Variants in GSTT4 observed in about 807,000 individuals in gnomAD.
The protein encoded by GSTT4 is glutathione S-transferase theta-4.
intron 1 of GSTT4, chr22:24,004,449 G>C (rs577833212): frequency 6.5e-6 from 1 of 153,264 alleles, no homozygotes. Context: ...GTGTTCTAGA[G>C]GCTTCTGCTT....
chr22:23,992,501 T>A, the GSTT4 span, among the ~76,000 whole-genome samples: 1 of 150,286 alleles, frequency 6.7e-6, no homozygotes, highest in Non-Finnish European at 1.5e-5. Flanking sequence ...GAGGGGACCA[T>A]ACAAGGATGT....
chr22:23,998,696 A>G lies in GSTT4; in HGVS notation c.572T>C (p.Leu191Pro), dbSNP rs562376112. The change falls in exon 5 of 5, where the codon CTA (leucine) becomes CCA (proline). Residue 191 changes from leucine (L) to proline (P), a missense_variant. Transcript: ENST00000621179. Reference protein sequence around the residue: ...NYNVFLNSSKLAEWRMQVELN... With the variant: ...NYNVFLNSSKPAEWRMQVELN... ...CTCCACCTGCATACGCCACTCAGCT[A>G]GCTTGGAGCTGTTGAGGAAGACATT... 6.5e-6 allele frequency: 1 copy of G among 154,924 alleles called. No individual in the cohort carries two copies. Among genetic ancestry groups the G allele is most frequent in the Admixed American group, 6.5e-5 (1 of 15,304 alleles). 9.6% of individuals were successfully genotyped at this position (154,924 alleles called of 1,614,324 possible).
At chr22:24,004,713 CT>C in intron 1 of GSTT4, 1 of 154,040 alleles carries the variant, frequency 6.5e-6, no homozygotes, top group Non-Finnish European at 1.4e-5. Context: ...TTCCTTCCCC[CT>C]TCTCCTCGAA....
the GSTT4 span, among the ~76,000 whole-genome samples, chr22:23,989,747 G>A: frequency 6.6e-6 from 1 of 150,684 alleles, no homozygotes; most frequent in Non-Finnish European, 1.5e-5. Flanking sequence ...CCCACTGGGG[G>A]TTCCCAGGTC....
intron 2 of GSTT4, among the ~76,000 whole-genome samples, chr22:24,002,318 T>G (rs1356431552): frequency 6.6e-6 from 1 of 152,124 alleles, no homozygotes; most frequent in Admixed American, 6.5e-5. Flanking sequence ...TGTCTGGGAA[T>G]GTTGGAGGCC....
At chr22:23,989,553 C>A in the GSTT4 span, among the ~76,000 whole-genome samples, 1 of 144,326 alleles carries the variant, frequency 6.9e-6, no homozygotes, top group Non-Finnish European at 1.5e-5. Flanking sequence ...CCTATCCCAG[C>A]TGGGGACTTA....
intron 2 of GSTT4, among the ~76,000 whole-genome samples, chr22:24,001,565 G>T (rs2034231339): frequency 6.6e-6 from 1 of 152,268 alleles, no homozygotes; most frequent in African/African-American, 2.4e-5. Context: ...GCCAGCAGGG[G>T]GAACAACACG....
intron 1 of GSTT4, chr22:24,004,193 G>A (rs1468917385): frequency 6.5e-6 from 1 of 153,148 alleles, no homozygotes; most frequent in African/African-American, 2.4e-5. Flanking sequence ...GAAGCCCTGA[G>A]GGCCTGGGTC....
At chr22:23,997,797 G>A (rs1385161136), downstream of GSTT4, among the ~76,000 whole-genome samples, 2 of 152,126 alleles carry the variant, frequency 1.3e-5, no homozygotes, top group African/African-American at 2.4e-5. Flanking sequence ...TAACTTATGT[G>A]TTTACAGCTA....
chr22:23,991,859 A>C, the GSTT4 span, among the ~76,000 whole-genome samples: 57,159 of 109,792 alleles, frequency 0.52, 12,212 homozygotes, highest in African/African-American at 0.57. Flanking sequence ...TCGAGACCAT[A>C]CTGGCTAAAA....
intron 2 of GSTT4, among the ~76,000 whole-genome samples, chr22:24,002,423 A>T: frequency 6.6e-6 from 1 of 152,248 alleles, no homozygotes; most frequent in Admixed American, 6.5e-5. Flanking sequence ...ACCTCCGCAG[A>T]ACAAGGGCTC....
rs556828131 is a variant in GSTT4, at chr22:23,999,260, A to T, written c.529-521T>A. Among the ~76,000 whole-genome samples, 79 of 152,208 alleles carry T rather than the reference A, an allele frequency of 5.2e-4. No individual in the cohort carries two copies. The South Asian group carries it at 0.016, about 32-fold the overall frequency. On this transcript the variant is annotated intron_variant, in intron 4 of 4. Coordinates refer to ENST00000621179, the MANE Select transcript of GSTT4 (RefSeq NM_001358664.2). ...CCCAAGAATGGGTGTGTGTGGGTGA[A>T]ATGTAAGGGGTGGGGACGAAGCATA...
At chr22:23,991,955 G>A in the GSTT4 span, among the ~76,000 whole-genome samples, 28 of 141,978 alleles carry the variant, frequency 2.0e-4, no homozygotes, top group Admixed American at 1.6e-3. Context: ...CGGGAGGCTG[G>A]GGCAGGAGAA....
chr22:24,003,630 C>G (rs1244830330), intron 2 of GSTT4, 130 bp downstream of exon 2: 1 of 154,342 alleles, frequency 6.5e-6, no homozygotes, highest in African/African-American at 2.4e-5. Flanking sequence ...CCTCGTGTCC[C>G]TCATTAGTTA....
downstream of GSTT4, among the ~76,000 whole-genome samples, chr22:23,995,892 A>T (rs532544714): frequency 3.9e-5 from 6 of 152,234 alleles, no homozygotes; most frequent in East Asian, 7.7e-4. Context: ...CTTTATTGCA[A>T]ATGTATACTA....
At chr22:23,992,597 T>C in the GSTT4 span, among the ~76,000 whole-genome samples, 1 of 151,088 alleles carries the variant, frequency 6.6e-6, no homozygotes, top group Non-Finnish European at 1.5e-5. Flanking sequence ...CTTAACATTC[T>C]TAACAAGTTA....
chr22:24,002,488 G>A (rs930952433), intron 2 of GSTT4, among the ~76,000 whole-genome samples: 551 of 152,392 alleles, frequency 3.6e-3, no homozygotes, highest in Non-Finnish European at 6.8e-3. Flanking sequence ...GGCATGGAGA[G>A]AGCTATCGGT....
rs138275558 is a variant in GSTT4 at position 23,998,746 on chromosome 22, A to G, written c.529-7T>C. On this transcript the variant is annotated splice_polypyrimidine_tract_variant and splice_region_variant and intron_variant, in intron 4 of 4. Coordinates refer to ENST00000621179, the MANE Select transcript of GSTT4 (RefSeq NM_001358664.2). ...TATAGTTGGCTGCCATGGGCTGTAG[A>G]TAGACGAAGACAAAGACGTGGTCAG... The G allele has an allele frequency of 0.056, 8,587 of 154,622 alleles. 412 individuals are homozygous for G. The highest frequency in any genetic ancestry group is 0.12 in the African/African-American group (4,878 of 41,482). 9.6% of individuals were successfully genotyped at this position (154,622 alleles called of 1,614,324 possible). A position where few individuals can be genotyped will look rare whatever the true frequency, so the allele number is the denominator to read the frequency against.
chr22:23,992,919 C>T, the GSTT4 span, among the ~76,000 whole-genome samples: 2 of 152,076 alleles, frequency 1.3e-5, no homozygotes, highest in South Asian at 2.1e-4. Flanking sequence ...AGACCACATG[C>T]GCATGCCACC....
Sources: allele counts gnomAD v4.1 joint callset (sites outside exome capture counted in the v4.1 genomes callset), GRCh38; gene constraint gnomAD v4.1.1; transcripts MANE v1.5; gene names NCBI Gene and HGNC (gene_info 2026-07-23, HGNC 2026-07-21).